Variants in ULK4 observed in about 807,000 individuals in gnomAD.
ULK4 encodes the protein unc-51 like kinase 4, also known as inactive serine/threonine-protein kinase ULK4.
In ULK4, 133 loss-of-function variants were observed where a neutral mutation model predicts 160.6. The ratio of observed to expected loss-of-function variants is 0.83; its 90% CI spans 0.72 to 0.96. The LOEUF (loss-of-function observed/expected upper bound fraction) is 0.96. Among genes scored for constraint, ULK4 ranks in the 40% least tolerant of loss-of-function variants. The pLI is 0.00. For synonymous variants in ULK4, 534 were observed against 539.8 expected (o/e 0.99, Z 0.15); for missense variants, 1,580 against 1,499.5 (o/e 1.05, Z -0.89).
chr3:41,931,900 C>A lies in ULK4; in HGVS notation c.485G>T (p.Gly162Val). 1 of 1,614,136 alleles carries A rather than the reference C, an allele frequency of 6.2e-7. No homozygotes were observed. The highest frequency in any genetic ancestry group is 8.5e-7 in the Non-Finnish European group (1 of 1,180,022). The part of the protein sequence containing the change: ...EFFALVAAEE[G>V]GGDNGENVLK... ...GACATTTTCCCCATTATCACCTCCT[C>A]CTTCCTCTGCTGCCACCAAAGCAAA... is the stretch of plus-strand genomic sequence containing the variant. The change falls in exon 5 of 37, where the codon GGA becomes GTA. Residue 162 changes from glycine to valine, a missense_variant. Physicochemically the swap from Gly to Val is moderately radical, Grantham distance 109. Transcript: ENST00000301831.
At chr3:41,300,996 G>T (rs999221968) in intron 35 of ULK4, among the ~76,000 whole-genome samples, 1 of 151,174 alleles carries the variant, frequency 6.6e-6, no homozygotes, top group African/African-American at 2.4e-5. Flanking sequence ...TGTTAGGTGT[G>T]ACTGAATTCC....
At chr3:41,526,086 T>C (rs1274076706) in intron 32 of ULK4, among the ~76,000 whole-genome samples, 3 of 152,200 alleles carry the variant, frequency 2.0e-5, no homozygotes, top group Admixed American at 6.5e-5. Flanking sequence ...CCTTATCTCC[T>C]TCTCTGTCTC....
At chr3:41,954,480 C>G (rs1700418114) in intron 2 of ULK4, 142 bp downstream of exon 2, 1 of 840,012 alleles carries the variant, frequency 1.2e-6, no homozygotes, top group South Asian at 2.0e-5. Flanking sequence ...ACTGGTGGCA[C>G]TGAACAGATG....
At chr3:41,397,989 T>C (rs570905387) in intron 35 of ULK4, 90 bp downstream of exon 35, 7 of 1,433,704 alleles carry the variant, frequency 4.9e-6, no homozygotes, top group South Asian at 2.8e-5. Flanking sequence ...CTCTGTAAAT[T>C]TGAAATTAGG....
intron 13 of ULK4, among the ~76,000 whole-genome samples, chr3:41,899,454 T>C (rs1698276035): frequency 1.3e-5 from 2 of 152,192 alleles, no homozygotes. Flanking sequence ...AACTATCAAA[T>C]ATGGTTATAA....
At chr3:41,426,431 A>G (rs1307642391) in intron 34 of ULK4, among the ~76,000 whole-genome samples, 7 of 152,218 alleles carry the variant, frequency 4.6e-5, no homozygotes, top group Admixed American at 4.6e-4. Flanking sequence ...TTTGACAGAT[A>G]TCTACAGAAC....
intron 30 of ULK4, among the ~76,000 whole-genome samples, chr3:41,647,796 G>C (rs2034572066): frequency 6.6e-6 from 1 of 152,218 alleles, no homozygotes; most frequent in African/African-American, 2.4e-5. Context: ...CCTGCCCCCA[G>C]GGGTGGAGCC....
At chr3:41,521,355 C>G (rs539556164) in intron 32 of ULK4, among the ~76,000 whole-genome samples, 2 of 152,066 alleles carry the variant, frequency 1.3e-5, no homozygotes, top group African/African-American at 2.4e-5. Context: ...GGTCTCAGGC[C>G]TTCACTGATT....
intron 35 of ULK4, among the ~76,000 whole-genome samples, chr3:41,286,560 C>T (rs946245911): frequency 3.3e-5 from 5 of 152,084 alleles, no homozygotes. Context: ...AGGCAAGGCA[C>T]ATGATAAACG....
intron 33 of ULK4, among the ~76,000 whole-genome samples, chr3:41,457,817 A>C (rs2083589844): frequency 6.6e-6 from 1 of 151,118 alleles, no homozygotes; most frequent in Admixed American, 6.6e-5. Flanking sequence ...TTCCAGAACC[A>C]CTCCCTTTTG....
intron 17 of ULK4, among the ~76,000 whole-genome samples, chr3:41,874,242 T>A (rs1340613584): frequency 6.6e-6 from 1 of 152,188 alleles, no homozygotes; most frequent in Non-Finnish European, 1.5e-5. Context: ...TCGTGCATCT[T>A]AATACGGAGC....
At chr3:41,701,404 C>A (rs1434841740) in intron 27 of ULK4, among the ~76,000 whole-genome samples, 1 of 152,146 alleles carries the variant, frequency 6.6e-6, no homozygotes, top group Admixed American at 6.5e-5. Flanking sequence ...CTGTCAATGG[C>A]AACAATTCAG....
chr3:41,912,623 C>A (rs1698828903), intron 9 of ULK4, among the ~76,000 whole-genome samples, 184 bp downstream of exon 9: 1 of 152,116 alleles, frequency 6.6e-6, no homozygotes, highest in African/African-American at 2.4e-5. Context: ...AGAAAATATG[C>A]AAAATCAAGA....
rs764029163 is a variant in ULK4 at position 41,705,325 on chromosome 3, TAATA to T, written c.2635-24_2635-21del. 12 of 1,576,464 alleles carry T rather than the reference TAATA, an allele frequency of 7.6e-6. No homozygotes were observed. The highest frequency in any genetic ancestry group is 3.5e-5 in the South Asian group (3 of 86,294). On this transcript the variant is annotated intron_variant, in intron 25 of 36. Coordinates refer to ENST00000301831, the MANE Select transcript of ULK4 (RefSeq NM_017886.4). ...ATGACTCTGAAAAAAAATAAATTTT[TAATA>T]AATAGAGTTTCAAAGTAACTCTGAA...
intron 27 of ULK4, among the ~76,000 whole-genome samples, chr3:41,695,359 G>C (rs57002024): frequency 0.07 from 10,584 of 152,156 alleles, 1,063 homozygotes; most frequent in African/African-American, 0.22. Context: ...AGCACACTTC[G>C]TGCCCCATCT....
At position 41,484,966 on chromosome 3, in the gene ULK4, C is replaced by T. The variant is rs192516942; in HGVS notation, c.3227-21713G>A. Among the ~76,000 whole-genome samples, 177 of 152,156 alleles carry T rather than the reference C, an allele frequency of 1.2e-3. 1 individual carries two copies. The highest frequency in any genetic ancestry group is 4.2e-3 in the African/African-American group (175 of 41,502). On this transcript the variant is annotated intron_variant, in intron 32 of 36. Transcript: ENST00000301831. ...ATAACAAACTATATCATTTATAAGT[C>T]AATATTCTAAAGCTAAAAATCAGAC...
At chr3:41,916,953 C>A (rs570781908) in intron 7 of ULK4, among the ~76,000 whole-genome samples, 42 of 152,154 alleles carry the variant, frequency 2.8e-4, no homozygotes, top group African/African-American at 9.9e-4. Context: ...GGTGATCCAC[C>A]CACCTCAGCC....
chr3:41,495,359 A>G (rs1194948505), intron 32 of ULK4, among the ~76,000 whole-genome samples: 1 of 152,114 alleles, frequency 6.6e-6, no homozygotes, highest in African/African-American at 2.4e-5. Flanking sequence ...TGGTGCTGGG[A>G]AAACTGGCTA....
intron 8 of ULK4, 57 bp downstream of exon 8, chr3:41,915,920 T>TA: frequency 8.3e-7 from 1 of 1,201,858 alleles, no homozygotes; most frequent in Admixed American, 2.3e-5. Context: ...TACTGCCCCT[T>TA]ACTCCATTTG....
Sources: allele counts gnomAD v4.1 joint callset (sites outside exome capture counted in the v4.1 genomes callset), GRCh38; gene constraint gnomAD v4.1.1; transcripts MANE v1.5; gene names NCBI Gene and HGNC (gene_info 2026-07-23, HGNC 2026-07-21).